The following GPC5 variants were observed in gnomAD, a reference collection of about 807,000 sequenced individuals.
GPC5 encodes glypican-5.
In GPC5, 47 loss-of-function variants were observed where a neutral mutation model predicts 53.9. The ratio of observed to expected loss-of-function variants is 0.87; its 90% confidence interval spans 0.69 to 1.11. The LOEUF is 1.11. Among genes scored for constraint, GPC5 ranks in the 50% most tolerant of loss-of-function variants. The pLI, the probability that GPC5 is intolerant of heterozygous loss-of-function variation, is 0.00. For synonymous variants in GPC5, 286 were observed against 263.3 expected (o/e 1.09, Z -0.84); for missense variants, 748 against 713.1 (o/e 1.05, Z -0.56).
At chr13:92,752,022 G>T (rs1039334998) in intron 7 of GPC5, among the ~76,000 whole-genome samples, 1 of 151,146 alleles carries the variant, frequency 6.6e-6, no homozygotes, top group Non-Finnish European at 1.5e-5. Context: ...GTTTTAATTT[G>T]CCACTTTGCT....
chr13:92,380,764 G>A (rs928491484), intron 7 of GPC5, among the ~76,000 whole-genome samples: 3 of 124,144 alleles, frequency 2.4e-5, no homozygotes, highest in Admixed American at 9.1e-5. Context: ...GTTGTGGGGT[G>A]GGGGGAGGGG....
At chr13:91,948,424 A>G (rs2039995531) in intron 6 of GPC5, among the ~76,000 whole-genome samples, 1 of 152,038 alleles carries the variant, frequency 6.6e-6, no homozygotes, top group Non-Finnish European at 1.5e-5. Context: ...TTGAATGTGT[A>G]CTACTTTCTA....
chr13:92,695,460 C>T (rs1349882748), intron 7 of GPC5, among the ~76,000 whole-genome samples: 1 of 152,112 alleles, frequency 6.6e-6, no homozygotes, highest in African/African-American at 2.4e-5. Context: ...TGGGTGATAA[C>T]AGCATCTCCA....
chr13:92,375,896 A>G (rs2043690104), intron 7 of GPC5, among the ~76,000 whole-genome samples: 1 of 152,234 alleles, frequency 6.6e-6, no homozygotes, highest in African/African-American at 2.4e-5. Context: ...ACTACCTGAG[A>G]AAGGTAACCT....
chr13:91,459,909 G>T (rs1448851787), intron 2 of GPC5, among the ~76,000 whole-genome samples: 1 of 152,112 alleles, frequency 6.6e-6, no homozygotes, highest in African/African-American at 2.4e-5. Context: ...CATAATTTAA[G>T]AGTAAAGGGC....
intron 7 of GPC5, among the ~76,000 whole-genome samples, chr13:92,690,792 AC>A (rs1333706121): frequency 1.4e-5 from 1 of 69,484 alleles, no homozygotes. Context: ...AACAGACAGG[AC>A]CCTCAGCTGC....
At chr13:91,672,991 C>T (rs72643245) in intron 2 of GPC5, among the ~76,000 whole-genome samples, 1 of 152,006 alleles carries the variant, frequency 6.6e-6, no homozygotes, top group Non-Finnish European at 1.5e-5. Context: ...AACAGAAAAC[C>T]AAAGTGCATG....
rs538218370 is a variant in GPC5 at position 92,500,484 on chromosome 13, C to T, written c.1561+355495C>T. Reference sequence around the variant, plus strand: ...TCTTAGGACCACAAGAGTAAACAAGCGATTTAGATAGACTTCTCTACATTC... The same window carrying T: ...TCTTAGGACCACAAGAGTAAACAAGTGATTTAGATAGACTTCTCTACATTC... On this transcript the variant is annotated intron_variant, in intron 7 of 7. Transcript: ENST00000377067. Among the ~76,000 whole-genome samples, 178 of 152,248 alleles carry T rather than the reference C, an allele frequency of 1.2e-3. 1 individual carries two copies. The highest frequency in any genetic ancestry group is 1.9e-3 in the Non-Finnish European group (131 of 68,032).
intron 2 of GPC5, among the ~76,000 whole-genome samples, chr13:91,455,394 C>G (rs576771289): frequency 2.0e-5 from 3 of 152,226 alleles, no homozygotes; most frequent in Middle Eastern, 3.4e-3. Flanking sequence ...AAAAGTTTTA[C>G]TGAACTGATA....
chr13:91,935,329 G>A (rs1594673277), intron 6 of GPC5, among the ~76,000 whole-genome samples: 1 of 152,082 alleles, frequency 6.6e-6, no homozygotes, highest in East Asian at 1.9e-4. Context: ...TTATTAAGAA[G>A]TGGGACATTT....
At chr13:92,695,291 A>G (rs1887526201) in intron 7 of GPC5, among the ~76,000 whole-genome samples, 1 of 152,064 alleles carries the variant, frequency 6.6e-6, no homozygotes, top group Non-Finnish European at 1.5e-5. Flanking sequence ...TTGATTGTTA[A>G]TTTAAGTTCC....
intron 7 of GPC5, among the ~76,000 whole-genome samples, chr13:92,320,634 C>T (rs1227594227): frequency 6.6e-6 from 1 of 152,086 alleles, no homozygotes; most frequent in African/African-American, 2.4e-5. Context: ...CTTAATGACC[C>T]TTGATAAGGG....
intron 7 of GPC5, among the ~76,000 whole-genome samples, chr13:92,364,722 A>G (rs1467632824): frequency 6.6e-6 from 1 of 151,666 alleles, no homozygotes; most frequent in African/African-American, 2.4e-5. Context: ...AGAGTGAGAG[A>G]CTCCGTCTCA....
intron 7 of GPC5, among the ~76,000 whole-genome samples, chr13:92,539,673 T>G (rs1008882466): frequency 6.6e-6 from 1 of 151,912 alleles, no homozygotes; most frequent in Admixed American, 6.6e-5. Context: ...CTTTCCATCC[T>G]TCCCTTTCCA....
At chr13:92,148,053 C>T (rs374644481) in intron 7 of GPC5, among the ~76,000 whole-genome samples, 127 of 152,086 alleles carry the variant, frequency 8.4e-4, no homozygotes, top group African/African-American at 2.7e-3. Flanking sequence ...TTCTTCATTA[C>T]GCTTTCATTT....
At chr13:92,489,781 A>G (rs2139445358) in intron 7 of GPC5, among the ~76,000 whole-genome samples, 1 of 152,234 alleles carries the variant, frequency 6.6e-6, no homozygotes, top group Middle Eastern at 3.4e-3. Context: ...AGGTACAGAC[A>G]GAGCTGGGAC....
At chr13:91,858,664 G>A (rs2038993281) in intron 5 of GPC5, among the ~76,000 whole-genome samples, 1 of 151,852 alleles carries the variant, frequency 6.6e-6, no homozygotes, top group African/African-American at 2.4e-5. Flanking sequence ...AGTAATAATG[G>A]CCTTGTAGAA....
At chr13:91,993,744 C>G (rs1269851702) in intron 6 of GPC5, among the ~76,000 whole-genome samples, 1 of 151,884 alleles carries the variant, frequency 6.6e-6, no homozygotes, top group Non-Finnish European at 1.5e-5. Flanking sequence ...TATTGAATCT[C>G]AAAATATCTC....
chr13:91,607,649 G>C (rs2033414650), intron 2 of GPC5, among the ~76,000 whole-genome samples: 2 of 152,168 alleles, frequency 1.3e-5, no homozygotes, highest in African/African-American at 4.8e-5. Flanking sequence ...ATAAACAAAA[G>C]TTTCATTTCT....
Sources: gnomAD v4.1 joint callset for allele counts (sites outside exome capture counted in the v4.1 genomes callset) on GRCh38, gnomAD v4.1.1 for gene constraint, MANE v1.5 for transcripts, NCBI Gene and HGNC (gene_info 2026-07-23, HGNC 2026-07-21) for gene names.